Variants in ERMP1 observed in about 807,000 individuals in gnomAD.
ERMP1 encodes endoplasmic reticulum metallopeptidase 1.
A neutral mutation model predicts 92.0 loss-of-function variants in ERMP1; 86 were observed. The ratio of observed to expected loss-of-function variants is 0.93; its 90% confidence interval spans 0.79 to 1.12. The LOEUF is 1.12. Ranked by LOEUF, ERMP1 falls within the 50% of genes most tolerant of loss-of-function variation. The pLI is 0.00. For missense variants in ERMP1, 1,342 were observed against 1,116.3 expected, an observed-to-expected ratio of 1.20 and a Z score of -2.88; for synonymous variants, 530 against 412.8, an observed-to-expected ratio of 1.28 and a Z score of -3.44.
At chr9:5,835,362 A>ATGTG (rs372626830), upstream of ERMP1, among the ~76,000 whole-genome samples, 76 of 118,056 alleles carry the variant, frequency 6.4e-4, no homozygotes, top group Admixed American at 1.4e-3. Context: ...GCGCGCGCGC[A>ATGTG]TGTGTGTGTG....
upstream of ERMP1, among the ~76,000 whole-genome samples, chr9:5,836,920 C>T (rs1383452859): frequency 1.3e-5 from 2 of 152,148 alleles, no homozygotes; most frequent in Non-Finnish European, 2.9e-5. Context: ...TAATTGCACT[C>T]TACTTTTAAC....
At chr9:5,858,690 T>C (rs746414461) in intron 6 of ERMP1, among the ~76,000 whole-genome samples, 3 of 152,118 alleles carry the variant, frequency 2.0e-5, no homozygotes, top group Non-Finnish European at 4.4e-5. Flanking sequence ...GATCCTGGGG[T>C]ACTACTCAAA....
At chr9:5,837,660 C>A (rs1232081224), upstream of ERMP1, among the ~76,000 whole-genome samples, 1 of 152,204 alleles carries the variant, frequency 6.6e-6, no homozygotes, top group Non-Finnish European at 1.5e-5. Context: ...TTCTTTCTCA[C>A]TCTTTCTGTT....
chr9:5,864,513 C>A (rs964969125), intron 5 of ERMP1, among the ~76,000 whole-genome samples: 1 of 152,210 alleles, frequency 6.6e-6, no homozygotes, highest in Non-Finnish European at 1.5e-5. Context: ...TTTAACCTCA[C>A]CCCCGTGGGG....
chr9:5,820,116 T>C (rs1398541619), intron 4 of ERMP1, among the ~76,000 whole-genome samples: 3 of 152,104 alleles, frequency 2.0e-5, no homozygotes, highest in Non-Finnish European at 2.9e-5. Context: ...CTGGCCAACA[T>C]GGTGAAACCC....
At chr9:5,800,481 G>C (rs1392375432) in intron 11 of ERMP1, among the ~76,000 whole-genome samples, 1 of 152,094 alleles carries the variant, frequency 6.6e-6, no homozygotes, top group East Asian at 1.9e-4. Context: ...TTCAAGAACA[G>C]CCTGGCCAAC....
chr9:5,823,520 C>A (rs1829620139), intron 4 of ERMP1, among the ~76,000 whole-genome samples: 2 of 152,158 alleles, frequency 1.3e-5, no homozygotes, highest in South Asian at 2.1e-4. Flanking sequence ...TGGACCCGGA[C>A]TGTCTAGGTT....
At chr9:5,861,342 A>T (rs538102070) in intron 5 of ERMP1, among the ~76,000 whole-genome samples, 8 of 151,916 alleles carry the variant, frequency 5.3e-5, no homozygotes, top group Non-Finnish European at 1.2e-4. Context: ...AAAAAGTAAG[A>T]TTTAAGGAAA....
At chr9:5,819,768 C>T (rs976905579) in intron 4 of ERMP1, among the ~76,000 whole-genome samples, 3 of 152,040 alleles carry the variant, frequency 2.0e-5, no homozygotes, top group Admixed American at 6.6e-5. Context: ...AAAACCCAAA[C>T]GCAAACAATC....
intron 6 of ERMP1, among the ~76,000 whole-genome samples, chr9:5,841,804 A>T (rs1830166467): frequency 6.6e-6 from 1 of 152,118 alleles, no homozygotes; most frequent in Non-Finnish European, 1.5e-5. Flanking sequence ...CGCTGACTTC[A>T]AGAATGAAGC....
At chr9:5,822,874 T>C (rs1240472116) in intron 4 of ERMP1, among the ~76,000 whole-genome samples, 1 of 152,224 alleles carries the variant, frequency 6.6e-6, no homozygotes, top group Non-Finnish European at 1.5e-5. Flanking sequence ...ACCTTGGCGA[T>C]GAGGCTTGAG....
At position 5,832,830 on chromosome 9, in the gene ERMP1, G is replaced by C. The variant is rs757820404; in HGVS notation, c.198C>G (p.Thr66=). 6.7e-7 allele frequency: 1 copy of C among 1,502,218 alleles called. No homozygotes were observed. The highest frequency in any genetic ancestry group is 1.2e-5 in the South Asian group (1 of 80,244). The allele number at this position is 1,502,218 out of a possible 1,614,324, so 93.1% of individuals were successfully genotyped here. The change falls in exon 1 of 15, where the codon ACC becomes ACG. Residue 66 remains threonine, a synonymous_variant. Coordinates refer to ENST00000339450, the MANE Select transcript of ERMP1 (RefSeq NM_024896.3). ...GCGCGGCGCGCACCTCAGACAGCCC[G>C]GTCCCCGCGCCCCTGCTCGCGCCGC... ...GSGGASRGAG[T]GLSEVRAALG... is the part of the protein sequence containing the mutation.
At chr9:5,853,601 A>G (rs918307899) in intron 6 of ERMP1, among the ~76,000 whole-genome samples, 1 of 152,038 alleles carries the variant, frequency 6.6e-6, no homozygotes, top group Non-Finnish European at 1.5e-5. Context: ...CCAGGAAATC[A>G]TGGAAAGCCA....
chr9:5,787,626 C>T (rs777312751), intron 13 of ERMP1, 33 bp from the exon 14 acceptor site: 1 of 1,587,286 alleles, frequency 6.3e-7, no homozygotes, highest in East Asian at 2.2e-5. Flanking sequence ...AACAGTTAAT[C>T]TTTTTAAAAG....
intron 6 of ERMP1, among the ~76,000 whole-genome samples, chr9:5,854,868 T>A (rs899686237): frequency 1.6e-4 from 24 of 152,136 alleles, no homozygotes; most frequent in African/African-American, 5.1e-4. Flanking sequence ...TCTTTCAACA[T>A]TTATGTAGGT....
At chr9:5,837,985 G>T (rs773303445), upstream of ERMP1, among the ~76,000 whole-genome samples, 1 of 151,984 alleles carries the variant, frequency 6.6e-6, no homozygotes, top group Non-Finnish European at 1.5e-5. Flanking sequence ...TACTCAGGAG[G>T]CTGAGGTGGG....
intron 6 of ERMP1, among the ~76,000 whole-genome samples, chr9:5,848,778 G>T (rs924816862): frequency 6.6e-6 from 1 of 152,206 alleles, no homozygotes; most frequent in African/African-American, 2.4e-5. Context: ...AGACTGCAAA[G>T]TTTATTTGTG....
At chr9:5,840,517 G>C (rs1248944330) in intron 6 of ERMP1, among the ~76,000 whole-genome samples, 1 of 152,154 alleles carries the variant, frequency 6.6e-6, no homozygotes, top group Non-Finnish European at 1.5e-5. Context: ...CCCTACCCAT[G>C]CCCACTGCCC....
intron 13 of ERMP1, among the ~76,000 whole-genome samples, chr9:5,788,920 G>C (rs935521507): frequency 1.3e-5 from 2 of 152,030 alleles, no homozygotes; most frequent in Non-Finnish European, 2.9e-5. Flanking sequence ...ATGCCCAACA[G>C]AATAGATTCA....
Sources: allele counts gnomAD v4.1 joint callset (sites outside exome capture counted in the v4.1 genomes callset), GRCh38; gene constraint gnomAD v4.1.1; transcripts MANE v1.5; gene names NCBI Gene and HGNC (gene_info 2026-07-23, HGNC 2026-07-21).